The following PTBP3 variants were observed in gnomAD, a reference collection of about 807,000 sequenced individuals.
PTBP3 encodes the protein polypyrimidine tract-binding protein 3.
In PTBP3, 20 loss-of-function variants were observed where a neutral mutation model predicts 58.7. That is an observed-to-expected ratio of 0.34 (90% CI 0.24 to 0.50). The LOEUF is 0.50. PTBP3 is among the 20% of genes least tolerant of loss of function. The pLI is 0.98. For synonymous variants in PTBP3, 185 were observed against 219.8 expected (o/e 0.84, Z 1.40); for missense variants, 509 against 637.2 (o/e 0.80, Z 2.17).
At chr9:112,359,591 G>A in the PTBP3 span, among the ~76,000 whole-genome samples, 1 of 152,146 alleles carries the variant, frequency 6.6e-6, no homozygotes, top group East Asian at 1.9e-4. Context: ...ATCACCTGAG[G>A]TCGGGAGTTC....
chr9:112,370,645 T>C, the PTBP3 span, among the ~76,000 whole-genome samples: 4 of 152,232 alleles, frequency 2.6e-5, no homozygotes, highest in African/African-American at 7.2e-5. Context: ...AATTTGAGGA[T>C]TGGCTTTTCC....
intron 2 of PTBP3, among the ~76,000 whole-genome samples, chr9:112,281,740 C>T (rs1295416528): frequency 3.3e-5 from 5 of 152,120 alleles, no homozygotes; most frequent in African/African-American, 1.2e-4. Context: ...TCTGAGTTTT[C>T]TATTGCTTTT....
the PTBP3 span, among the ~76,000 whole-genome samples, chr9:112,340,883 A>AT: frequency 4.8e-4 from 62 of 128,744 alleles, no homozygotes; most frequent in East Asian, 7.2e-3. Flanking sequence ...TCTCAAAAAA[A>AT]AAAAATAAAT....
At chr9:112,330,094 C>T (rs1483122976) in intron 1 of PTBP3, among the ~76,000 whole-genome samples, 1 of 151,986 alleles carries the variant, frequency 6.6e-6, no homozygotes, top group African/African-American at 2.4e-5. Flanking sequence ...TCAAGCAACC[C>T]GCCCACCTCT....
intron 1 of PTBP3, among the ~76,000 whole-genome samples, chr9:112,309,281 G>A (rs1247908465): frequency 4.0e-5 from 6 of 151,700 alleles, no homozygotes; most frequent in Admixed American, 1.3e-4. Context: ...TAGTGACCCC[G>A]TGTGAACACT....
At chr9:112,325,505 T>C (rs1416726162) in intron 1 of PTBP3, among the ~76,000 whole-genome samples, 4 of 151,780 alleles carry the variant, frequency 2.6e-5, no homozygotes, top group Admixed American at 2.0e-4. Flanking sequence ...ATATGCCTAA[T>C]TTCTCCTGGT....
chr9:112,284,087 G>A (rs976537514), intron 2 of PTBP3, among the ~76,000 whole-genome samples: 1 of 151,376 alleles, frequency 6.6e-6, no homozygotes, highest in African/African-American at 2.4e-5. Flanking sequence ...CTCTACTAGG[G>A]CAGTGCAGAA....
Position 112,268,153 on chromosome 9 carries a change from C to G in PTBP3, c.247G>C (p.Val83Leu), listed in dbSNP as rs762982131. ...GGAGTAATAGGAGTGTAATAATTCA[C>G]CATAGTAACGGCAGCTTCCTCAGAA... ...MASEEAAVTM[V>L]NYYTPITPHL... The change falls in exon 4 of 14, where the codon GTG (valine) becomes CTG (leucine). Residue 83 changes from valine to leucine, a missense_variant. By Grantham distance (32) the Val-to-Leu change is conservative (BLOSUM62 1). Transcript: ENST00000374257. 6.8e-6 allele frequency: 11 copies of G among 1,612,910 alleles called. No homozygotes were observed. The highest frequency in any genetic ancestry group is 8.5e-6 in the Non-Finnish European group (10 of 1,179,722).
At chr9:112,280,717 T>A (rs939119801) in intron 2 of PTBP3, among the ~76,000 whole-genome samples, 2 of 152,100 alleles carry the variant, frequency 1.3e-5, no homozygotes, top group Non-Finnish European at 2.9e-5. Flanking sequence ...TCATGACACA[T>A]GTACCATGAT....
At position 112,262,511 on chromosome 9, in the gene PTBP3, A is replaced by G. The variant is rs760403242; in HGVS notation, c.440T>C (p.Leu147Pro). ...TCGAAGCACAGGGCTCTGCCCAGGT[A>G]GGACTGTGCCTTCATTGGAAGGACC... Reference protein sequence around the residue: ...SGGPSNEGTVLPGQSPVLRII... With the variant: ...SGGPSNEGTVPPGQSPVLRII... Residue 147 changes from leucine to proline, a missense_variant, in exon 5 of 14, where the codon CTA becomes CCA. Leu to Pro is a moderately conservative substitution (Grantham distance 98). Coordinates refer to ENST00000374257, the MANE Select transcript of PTBP3 (RefSeq NM_001163788.4). 42 of 1,611,994 alleles carry G rather than the reference A, an allele frequency of 2.6e-5. No homozygotes were observed. Among genetic ancestry groups the G allele is most frequent in the Non-Finnish European group, 3.4e-5 (40 of 1,179,312 alleles).
the PTBP3 span, among the ~76,000 whole-genome samples, chr9:112,339,920 A>T: frequency 7.2e-5 from 11 of 151,976 alleles, no homozygotes; most frequent in African/African-American, 2.2e-4. Context: ...TAACCATGAC[A>T]CTAAATGTTA....
At chr9:112,360,779 CTTTT>C in the PTBP3 span, among the ~76,000 whole-genome samples, 1 of 147,198 alleles carries the variant, frequency 6.8e-6, no homozygotes, top group African/African-American at 2.5e-5. Context: ...TTAGAATCAA[CTTTT>C]TTTTTTTAAC....
At chr9:112,311,532 A>G (rs1228526834) in intron 1 of PTBP3, among the ~76,000 whole-genome samples, 1 of 152,190 alleles carries the variant, frequency 6.6e-6, no homozygotes, top group Non-Finnish European at 1.5e-5. Flanking sequence ...TGCAAAACCC[A>G]GTTATATGAA....
upstream of PTBP3, among the ~76,000 whole-genome samples, chr9:112,334,886 A>T (rs1305093935): frequency 1.3e-5 from 2 of 152,344 alleles, no homozygotes; most frequent in East Asian, 3.9e-4. Context: ...TAGGTAGAGT[A>T]ATTCGGTGAG....
the PTBP3 span, among the ~76,000 whole-genome samples, chr9:112,340,613 T>G: frequency 6.6e-6 from 1 of 152,238 alleles, no homozygotes. Flanking sequence ...CCGGGTGCAG[T>G]GGCTCACGCC....
At position 112,223,587 on chromosome 9, in the gene PTBP3, GA is replaced by G. The variant is rs1457464531; in HGVS notation, c.*263del. 2.9e-5 allele frequency: 33 copies of G among 1,133,402 alleles called. No homozygotes were observed. The highest frequency in any genetic ancestry group is 3.7e-4 in the Middle Eastern group (1 of 2,722). 70.2% of individuals were successfully genotyped at this position (1,133,402 alleles called of 1,614,324 possible). A position where few individuals can be genotyped will look rare whatever the true frequency, so the allele number is the denominator to read the frequency against. On this transcript the variant is annotated 3_prime_UTR_variant, in exon 14 of 14. Coordinates refer to ENST00000374257, the MANE Select transcript of PTBP3 (RefSeq NM_001163788.4). ...ATTTAATATAGGGAATAAGATTATT[GA>G]AAAAAAATTTTTTTCCTGATTTTCT...
intron 1 of PTBP3, among the ~76,000 whole-genome samples, chr9:112,306,192 T>C (rs1053337817): frequency 2.6e-5 from 4 of 152,004 alleles, no homozygotes; most frequent in African/African-American, 9.7e-5. Flanking sequence ...TGAGACAAGG[T>C]CTCACTCTGT....
rs148545016 is a variant in PTBP3, at chr9:112,315,852, T to G, written c.-52+17618A>C. ...AACAGTTCCTTGTCTTTCAAGGAAT[T>G]TGTACATTTGGTCTAAGTTACTCAT... On this transcript the variant is annotated intron_variant, in intron 1 of 13. Transcript: ENST00000374257. Among the ~76,000 whole-genome samples, 12 of 152,326 alleles carry G rather than the reference T, an allele frequency of 7.9e-5. No homozygotes were observed. In the East Asian group the frequency reaches 2.3e-3, roughly 29 times the overall value.
intron 4 of PTBP3, 81 bp downstream of exon 4, chr9:112,267,968 A>T: frequency 1.1e-5 from 14 of 1,288,650 alleles, no homozygotes; most frequent in Non-Finnish European, 1.5e-5. Context: ...AAAGCACATA[A>T]TTTTTCTTCA....
Sources: gnomAD v4.1 joint callset for allele counts (sites outside exome capture counted in the v4.1 genomes callset) on GRCh38, gnomAD v4.1.1 for gene constraint, MANE v1.5 for transcripts, NCBI Gene and HGNC (gene_info 2026-07-23, HGNC 2026-07-21) for gene names.